The following COL3A1 variants were observed in gnomAD, a reference collection of about 807,000 sequenced individuals.
COL3A1 encodes collagen alpha-1(III) chain.
Under a neutral mutation model 200.9 loss-of-function variants are expected in COL3A1, and 46 were observed. That is an observed-to-expected ratio of 0.23 (90% CI 0.18 to 0.29). The LOEUF is 0.29. Among genes scored for constraint, COL3A1 ranks in the 10% least tolerant of loss-of-function variants. The pLI, the probability that COL3A1 is intolerant of heterozygous loss-of-function variation, is 1.00. For synonymous variants in COL3A1, 650 were observed against 628.0 expected (o/e 1.03, Z -0.52); for missense variants, 1,367 against 1,917.6 (o/e 0.71, Z 5.36).
rs1156988234 is a variant in COL3A1, at chr2:188,996,291, T to C, written c.1663-107T>C. On this transcript the variant is annotated intron_variant, in intron 23 of 50. Coordinates refer to ENST00000304636, the MANE Select transcript of COL3A1 (RefSeq NM_000090.4). The stretch of plus-strand genomic sequence containing the variant: ...GTGTGTATATATATATATGTATATG[T>C]ATATCTATATATATACACACACACA... 14 of 726,760 alleles carry C rather than the reference T, an allele frequency of 1.9e-5. No individual in the cohort carries two copies. The African/African-American group carries it at 2.8e-4, about 15-fold the overall frequency. 45.0% of individuals were successfully genotyped at this position (726,760 alleles called of 1,614,324 possible). A position where few individuals can be genotyped will look rare whatever the true frequency, so the allele number is the denominator to read the frequency against.
chr2:188,999,729 A>G, intron 31 of COL3A1, 113 bp from the exon 32 acceptor site: 2 of 1,366,280 alleles, frequency 1.5e-6, no homozygotes, highest in South Asian at 2.5e-5. Context: ...TAAAGCAACA[A>G]TGAATTAGAA....
In COL3A1 at chr2:189,001,327, T is replaced by C. The variant is rs558401450; in HGVS notation, c.2284-70T>C. The C allele has an allele frequency of 4.3e-5, 63 of 1,455,202 alleles. 1 individual carries two copies. The South Asian group carries it at 5.2e-4, about 12-fold the overall frequency. The allele number at this position is 1,455,202 out of a possible 1,614,324, so 90.1% of individuals were successfully genotyped here. A position where few individuals can be genotyped will look rare whatever the true frequency, so the allele number is the denominator to read the frequency against. ...TTATTAGGTATCTATGTCTATATAC[T>C]TTCTGTTTGATTAATGCAAAAAACG... On this transcript the variant is annotated intron_variant, in intron 32 of 50. Transcript: ENST00000304636.
chr2:189,004,485 T>C (rs1282477955), intron 40 of COL3A1, 121 bp downstream of exon 40: 1 of 922,556 alleles, frequency 1.1e-6, no homozygotes, highest in Non-Finnish European at 1.6e-6. Context: ...GAGATAATTT[T>C]TTTTTATTTT....
intron 4 of COL3A1, among the ~76,000 whole-genome samples, chr2:188,986,614 C>T: frequency 6.6e-6 from 1 of 151,770 alleles, no homozygotes; most frequent in East Asian, 1.9e-4. Flanking sequence ...AACCAGAATC[C>T]AGGGGATATG....
intron 1 of COL3A1, among the ~76,000 whole-genome samples, chr2:188,977,865 A>G (rs1017502344): frequency 5.9e-5 from 9 of 152,112 alleles, no homozygotes; most frequent in Admixed American, 4.6e-4. Flanking sequence ...TTAATATTCA[A>G]TTTTATAGAG....
At chr2:188,982,707 A>G (rs1010254371) in intron 1 of COL3A1, among the ~76,000 whole-genome samples, 3 of 151,876 alleles carry the variant, frequency 2.0e-5, no homozygotes, top group Non-Finnish European at 4.4e-5. Flanking sequence ...TAAAATACAC[A>G]TTATTAATGG....
At chr2:188,992,255 T>G (rs1184604546) in intron 14 of COL3A1, 27 bp downstream of exon 14, 1 of 1,608,930 alleles carries the variant, frequency 6.2e-7, no homozygotes, top group East Asian at 2.2e-5. Flanking sequence ...CTCTTATGTG[T>G]TGTAGGGTAA....
intron 10 of COL3A1, among the ~76,000 whole-genome samples, chr2:188,990,579 C>G (rs181112114): frequency 1.3e-5 from 2 of 152,058 alleles, no homozygotes; most frequent in African/African-American, 4.8e-5. Context: ...TGAAAAATAT[C>G]GTTTTCTTAC....
chr2:188,984,205 A>G (rs1229169852), intron 1 of COL3A1, among the ~76,000 whole-genome samples: 4 of 152,038 alleles, frequency 2.6e-5, no homozygotes, highest in Non-Finnish European at 5.9e-5. Context: ...AAATAGAGCT[A>G]ACAGTGACAT....
intron 2 of COL3A1, 39 bp downstream of exon 2, chr2:188,985,001 A>G: frequency 1.3e-6 from 2 of 1,565,346 alleles, no homozygotes; most frequent in Non-Finnish European, 1.8e-6. Context: ...CAATATTCAT[A>G]TTTAGACACA....
At position 189,006,980 on chromosome 2, in the gene COL3A1, G is replaced by A. The variant is rs367754862; in HGVS notation, c.3245G>A (p.Arg1082Gln). Reference protein sequence around the residue: ...PAGAPGPAGSRGAPGPQGPRG... With the variant: ...PAGAPGPAGSQGAPGPQGPRG... ...GGTGCTCCCGGTCCTGCTGGTTCCC[G>A]AGGTGCTCCTGTAAGTTTTGTCATT... Residue 1082 changes from arginine (R) to glutamine (Q), a missense_variant, in exon 44 of 51, where the codon CGA (arginine) becomes CAA (glutamine). Physicochemically the swap from Arg to Gln is conservative, Grantham distance 43. This residue lies in a region of COL3A1 where 846 missense variants were observed against 1,147.9 expected (regional missense o/e 0.74). Coordinates refer to ENST00000304636, the MANE Select transcript of COL3A1 (RefSeq NM_000090.4). The A allele has an allele frequency of 5.6e-5, 91 of 1,612,502 alleles. No homozygotes were observed. Among genetic ancestry groups the A allele is most frequent in the East Asian group, 1.6e-4 (7 of 44,798 alleles).
chr2:189,007,992 C>T (rs1349627162), intron 46 of COL3A1, 43 bp from the exon 47 acceptor site: 1 of 1,613,722 alleles, frequency 6.2e-7, no homozygotes, highest in African/African-American at 1.3e-5. Flanking sequence ...GTCTGCATTT[C>T]AGAAAGATAT....
At chr2:189,008,497 T>C (rs1688646794) in intron 47 of COL3A1, 6 of 399,728 alleles carry the variant, frequency 1.5e-5, no homozygotes, top group South Asian at 1.4e-4. Context: ...TCAAACAGCT[T>C]CCATGGTTAC....
In COL3A1 at chr2:188,988,576, A is replaced by T. The variant is rs758167432; in HGVS notation, c.583-14A>T. 27 of 1,575,972 alleles carry T rather than the reference A, an allele frequency of 1.7e-5. No individual in the cohort carries two copies. Among genetic ancestry groups the T allele is most frequent in the Middle Eastern group, 1.7e-4 (1 of 5,884 alleles). On this transcript the variant is annotated splice_polypyrimidine_tract_variant and intron_variant, in intron 6 of 50. Transcript: ENST00000304636. ...TTTGTTACTTTAAAATTATTTACAT[A>T]TTCTACTCACTAGGGATCTCCAGGA...
rs542349132 is a variant in COL3A1, at chr2:188,993,481, G to A, written c.1149+22G>A. The A allele has an allele frequency of 9.2e-6, 14 of 1,523,096 alleles. No individual in the cohort carries two copies. The South Asian group carries it at 1.7e-4, about 18-fold the overall frequency. The allele number at this position is 1,523,096 out of a possible 1,614,324, so 94.3% of individuals were successfully genotyped here. A position where few individuals can be genotyped will look rare whatever the true frequency, so the allele number is the denominator to read the frequency against. On this transcript the variant is annotated intron_variant, in intron 16 of 50. Coordinates refer to ENST00000304636, the MANE Select transcript of COL3A1 (RefSeq NM_000090.4). ...TCCTGTAAGTATCATAGTTGAGAGGGAGTAAGCATAGTTTCATGCTTACTC... is the reference window on the plus strand; with the variant it reads ...TCCTGTAAGTATCATAGTTGAGAGGAAGTAAGCATAGTTTCATGCTTACTC...
At position 189,012,554 on chromosome 2, in the gene COL3A1, A is replaced by G. The variant is rs1688750668; in HGVS notation, c.*780A>G. On this transcript the variant is annotated 3_prime_UTR_variant, in exon 51 of 51. Coordinates refer to ENST00000304636, the MANE Select transcript of COL3A1 (RefSeq NM_000090.4). ...AATCTGTACATGTCTCCCATCAGAA[A>G]GATTCATTGGCATGCCACAGGGGAT... 6.8e-6 allele frequency: 1 copy of G among 147,438 alleles called. No individual in the cohort carries two copies. Among genetic ancestry groups the G allele is most frequent in the South Asian group, 2.2e-4 (1 of 4,622 alleles). 9.1% of individuals were successfully genotyped at this position (147,438 alleles called of 1,614,324 possible).
intron 32 of COL3A1, among the ~76,000 whole-genome samples, chr2:189,000,349 C>T (rs1015833254): frequency 1.3e-5 from 2 of 152,310 alleles, no homozygotes; most frequent in African/African-American, 4.8e-5. Context: ...ACAACATACT[C>T]AGTGAAGAAA....
rs10166835 is a variant in COL3A1 at position 188,988,582 on chromosome 2, C to T, written c.583-8C>T. On this transcript the variant is annotated splice_polypyrimidine_tract_variant and splice_region_variant and intron_variant, in intron 6 of 50. Coordinates refer to ENST00000304636, the MANE Select transcript of COL3A1 (RefSeq NM_000090.4). ...ACTTTAAAATTATTTACATATTCTA[C>T]TCACTAGGGATCTCCAGGATACCAA... The T allele has an allele frequency of 1.2e-3, 1,911 of 1,586,158 alleles. 30 individuals are homozygous for T. In the African/African-American group the frequency reaches 0.024, roughly 20 times the overall value.
intron 49 of COL3A1, 122 bp downstream of exon 49, chr2:189,010,487 G>C: frequency 6.8e-7 from 1 of 1,477,006 alleles, no homozygotes. Context: ...TTTTGCTACT[G>C]AAAGTGATGG....
Sources: allele counts gnomAD v4.1 joint callset (sites outside exome capture counted in the v4.1 genomes callset), GRCh38; gene constraint gnomAD v4.1.1; regional missense constraint gnomAD v4.1.1; transcripts MANE v1.5; gene names NCBI Gene and HGNC (gene_info 2026-07-23, HGNC 2026-07-21).